MX1: variants seen among roughly 807,000 people sequenced by gnomAD.
MX1 encodes the protein interferon-induced GTP-binding protein Mx1.
In MX1, 66 loss-of-function variants were observed where a neutral mutation model predicts 66.4. The ratio of observed to expected loss-of-function variants is 0.99; its 90% CI spans 0.82 to 1.22. The LOEUF (loss-of-function observed/expected upper bound fraction) is 1.22. MX1 is among the 50% of genes most tolerant of loss of function. The pLI, the probability that MX1 is intolerant of heterozygous loss-of-function variation, is 0.00. For synonymous variants in MX1, 311 were observed against 318.1 expected (o/e 0.98, Z 0.24); for missense variants, 787 against 834.3 (o/e 0.94, Z 0.70).
intron 5 of MX1, 49 bp downstream of exon 5, chr21:41,432,224 A>T: frequency 6.4e-7 from 1 of 1,556,914 alleles, no homozygotes; most frequent in Non-Finnish European, 8.8e-7. Context: ...AGCCATGCCC[A>T]TTCGAGGCTG....
chr21:41,421,132 C>G (rs1329648763), intron 1 of MX1, among the ~76,000 whole-genome samples: 1 of 152,140 alleles, frequency 6.6e-6, no homozygotes, highest in Non-Finnish European at 1.5e-5. Context: ...AACACGTGAA[C>G]AAAGGTCTTT....
intron 4 of MX1, 59 bp from the exon 5 acceptor site, chr21:41,431,991 T>C: frequency 2.8e-6 from 4 of 1,444,294 alleles, no homozygotes; most frequent in Non-Finnish European, 2.9e-6. Context: ...TGGGTTTGGT[T>C]CCATGGTTGA....
chr21:41,445,772 C>A (rs915466735), intron 12 of MX1: 7 of 830,606 alleles, frequency 8.4e-6, no homozygotes, highest in African/African-American at 5.2e-5. Context: ...GAGGGATGCT[C>A]AGGCTGCGTT....
intron 5 of MX1, 142 bp from the exon 6 acceptor site, chr21:41,435,695 C>T (rs1180670427): frequency 5.4e-6 from 5 of 917,844 alleles, no homozygotes; most frequent in Non-Finnish European, 1.7e-6. Flanking sequence ...AATCCAATTA[C>T]CTCCACCTGG....
In MX1 at chr21:41,444,014, G is replaced by A. The variant is rs1043174894; in HGVS notation, c.1008+148G>A. On this transcript the variant is annotated intron_variant, in intron 11 of 16. Coordinates refer to ENST00000398598, the MANE Select transcript of MX1 (RefSeq NM_002462.5). ...TTCAGATTCTGTGGGTCTGGAGTGG[G>A]GCCTAGAATTCTGCATTTCCAGCAA... is the stretch of plus-strand genomic sequence containing the variant. The A allele has an allele frequency of 5.4e-6, 4 of 734,668 alleles. No individual in the cohort carries two copies. The East Asian group carries it at 1.1e-4, about 20-fold the overall frequency. The allele number at this position is 734,668 out of a possible 1,614,324, so 45.5% of individuals were successfully genotyped here. A position where few individuals can be genotyped will look rare whatever the true frequency, so the allele number is the denominator to read the frequency against.
At chr21:41,445,227 T>C (rs908319747) in intron 11 of MX1, among the ~76,000 whole-genome samples, 1 of 152,166 alleles carries the variant, frequency 6.6e-6, no homozygotes. Flanking sequence ...CTCATGAGGC[T>C]GCTGTCGCAG....
At chr21:41,444,770 G>A (rs185167324) in intron 11 of MX1, among the ~76,000 whole-genome samples, 61 of 152,170 alleles carry the variant, frequency 4.0e-4, no homozygotes, top group Non-Finnish European at 7.1e-4. Context: ...ATAAGTTCCC[G>A]TTCGAATTTT....
At chr21:41,451,013 AAG>A in intron 14 of MX1, 152 bp from the exon 15 acceptor site, 1 of 506,092 alleles carries the variant, frequency 2.0e-6, no homozygotes, top group Non-Finnish European at 3.5e-6. Context: ...ATTAAGCAAA[AAG>A]AGCATGCCTT....
upstream of MX1, among the ~76,000 whole-genome samples, chr21:41,425,540 G>A (rs1402384914): frequency 2.0e-5 from 3 of 152,002 alleles, no homozygotes; most frequent in Admixed American, 2.0e-4. Flanking sequence ...CACAGGGGAT[G>A]CGATGGCCTG....
intron 5 of MX1, among the ~76,000 whole-genome samples, chr21:41,434,677 G>A (rs1049698976): frequency 2.0e-5 from 3 of 152,100 alleles, no homozygotes; most frequent in African/African-American, 7.2e-5. Context: ...CATGTATAGT[G>A]CGAGAACCTT....
intron 11 of MX1, among the ~76,000 whole-genome samples, chr21:41,444,537 G>C (rs1382710519): frequency 6.6e-6 from 1 of 151,806 alleles, no homozygotes; most frequent in Non-Finnish European, 1.5e-5. Context: ...ATGTTGACCA[G>C]ACTGGCCTTT....
chr21:41,458,818 G>A lies in MX1; in HGVS notation c.*60G>A. On this transcript the variant is annotated 3_prime_UTR_variant, in exon 17 of 17. Transcript: ENST00000398598. Reference sequence around the variant, plus strand: ...CACTGTCTGCCCCCGTTCCCGGGTAGCCACTGGACTGACGACTTGAGTGCT... The same window carrying A: ...CACTGTCTGCCCCCGTTCCCGGGTAACCACTGGACTGACGACTTGAGTGCT... 1 of 1,562,258 alleles carries A rather than the reference G, an allele frequency of 6.4e-7. No individual in the cohort carries two copies. The highest frequency in any genetic ancestry group is 8.6e-7 in the Non-Finnish European group (1 of 1,156,920).
At chr21:41,437,199 T>G in intron 7 of MX1, 47 bp downstream of exon 7, 1 of 1,609,110 alleles carries the variant, frequency 6.2e-7, no homozygotes, top group South Asian at 1.1e-5. Context: ...CTGACATGCA[T>G]GGGGTCTGTT....
At chr21:41,454,885 G>A (rs1431215016) in intron 16 of MX1, among the ~76,000 whole-genome samples, 3 of 151,704 alleles carry the variant, frequency 2.0e-5, no homozygotes, top group East Asian at 3.9e-4. Context: ...TGCAGGTCAG[G>A]ATGAAGCTGA....
intron 10 of MX1, among the ~76,000 whole-genome samples, chr21:41,442,117 A>G (rs984573029): frequency 2.0e-5 from 3 of 152,090 alleles, no homozygotes; most frequent in African/African-American, 7.2e-5. Context: ...GGGATTACAA[A>G]ATACTGCCAA....
chr21:41,451,724 A>G (rs1397145895), intron 15 of MX1, among the ~76,000 whole-genome samples: 2 of 151,822 alleles, frequency 1.3e-5, no homozygotes, highest in Non-Finnish European at 2.9e-5. Flanking sequence ...AATCCCAGCT[A>G]CTTGGGAGGC....
intron 6 of MX1, among the ~76,000 whole-genome samples, chr21:41,436,650 A>G (rs2090370445): frequency 6.6e-6 from 1 of 152,042 alleles, no homozygotes; most frequent in South Asian, 2.1e-4. Context: ...TGCTTTCCTA[A>G]TGGGGGTAGA....
intron 4 of MX1, 105 bp from the exon 5 acceptor site, chr21:41,431,945 A>G: frequency 1.2e-6 from 1 of 805,184 alleles, no homozygotes; most frequent in East Asian, 2.7e-5. Context: ...ACAACTAGTC[A>G]GAGTCCCCAC....
chr21:41,458,542 C>T lies in MX1; in HGVS notation c.1773C>T (p.Arg591=). 6.3e-7 allele frequency: 1 copy of T among 1,576,438 alleles called. No homozygotes were observed. The highest frequency in any genetic ancestry group is 8.6e-7 in the Non-Finnish European group (1 of 1,160,858). The part of the protein sequence containing the change: ...LMAYHQEASK[R]ISSHIPLIIQ... ...TTTCCTTCCAGGAGGCCAGCAAGCG[C>T]ATCTCCAGCCACATCCCTTTGATCA... The change falls in exon 17 of 17, where the codon CGC becomes CGT. Residue 591 remains arginine, a synonymous_variant. Coordinates refer to ENST00000398598, the MANE Select transcript of MX1 (RefSeq NM_002462.5).
Sources: gnomAD v4.1 joint callset for allele counts (sites outside exome capture counted in the v4.1 genomes callset) on GRCh38, gnomAD v4.1.1 for gene constraint, MANE v1.5 for transcripts, NCBI Gene and HGNC (gene_info 2026-07-23, HGNC 2026-07-21) for gene names.